Variants in TBC1D7 observed in about 807,000 individuals in gnomAD.
The protein encoded by TBC1D7 is TBC domain family 7.
TBC1D7 carries 33 observed loss-of-function variants against 35.3 expected under a neutral mutation model. The observed-to-expected ratio is 0.93, with a 90% confidence interval of 0.71 to 1.25. The LOEUF (loss-of-function observed/expected upper bound fraction) is 1.25, where lower values mean the gene tolerates loss of function less well. Among genes scored for constraint, TBC1D7 ranks in the 50% most tolerant of loss-of-function variants. The probability of loss-of-function intolerance (pLI) is 0.00; values close to 1 mark genes in which losing one functional copy is unlikely to be tolerated. For synonymous variants in TBC1D7, 135 were observed against 129.5 expected, an observed-to-expected ratio of 1.04 and a Z score of -0.29; for missense variants, 362 against 365.3, an observed-to-expected ratio of 0.99 and a Z score of 0.07.
chr6:13,319,764 A>G (rs915222547), intron 4 of TBC1D7: 1 of 152,282 alleles, frequency 6.6e-6, no homozygotes, highest in East Asian at 1.9e-4. Flanking sequence ...AAGTTAAAAA[A>G]TAAAAATTTT....
At chr6:13,325,851 G>C (rs6916634) in intron 2 of TBC1D7, among the ~76,000 whole-genome samples, 1 of 151,922 alleles carries the variant, frequency 6.6e-6, no homozygotes, top group East Asian at 1.9e-4. Flanking sequence ...TAAATGACTT[G>C]ATCAAACTAA....
chr6:13,314,594 TTATTGAAATC>T (rs1415543328), intron 5 of TBC1D7, among the ~76,000 whole-genome samples: 1 of 152,220 alleles, frequency 6.6e-6, no homozygotes, highest in Non-Finnish European at 1.5e-5. Flanking sequence ...GAAATTATTT[TTATTGAAATC>T]AACAAAGTGG....
intron 5 of TBC1D7, among the ~76,000 whole-genome samples, chr6:13,315,224 CCT>C (rs370626985): frequency 5.5e-4 from 84 of 152,304 alleles, no homozygotes; most frequent in African/African-American, 1.9e-3. Flanking sequence ...TCTGCCAACC[CCT>C]GAGACAGCAA....
intron 4 of TBC1D7, among the ~76,000 whole-genome samples, chr6:13,317,384 T>C (rs1407072691): frequency 6.6e-6 from 1 of 152,198 alleles, no homozygotes; most frequent in East Asian, 1.9e-4. Flanking sequence ...TCAAACACCA[T>C]ATCATATACA....
Position 13,320,984 on chromosome 6 carries a change from G to A in TBC1D7, c.305C>T (p.Thr102Ile). The change falls in exon 4 of 8, where the codon ACA (threonine) becomes ATA (isoleucine). Residue 102 changes from threonine to isoleucine, a missense_variant. Thr to Ile is a moderately conservative substitution (Grantham distance 89). Transcript: ENST00000379300. Reference sequence around the variant, plus strand: ...GCGGAGATAGACTTCAGCCTGAGGTGTGGCATCACTAACAAAGCGAACGAC... The same window carrying A: ...GCGGAGATAGACTTCAGCCTGAGGTATGGCATCACTAACAAAGCGAACGAC... ...LKVVRFVSDATPQAEVYLRMY... is the reference protein window; with the variant it reads ...LKVVRFVSDAIPQAEVYLRMY... 3 of 1,614,230 alleles carry A rather than the reference G, an allele frequency of 1.9e-6. No homozygotes were observed. The highest frequency in any genetic ancestry group is 2.5e-6 in the Non-Finnish European group (3 of 1,180,030).
intron 7 of TBC1D7, 26 bp from the exon 8 acceptor site, chr6:13,305,213 T>C (rs1782728585): frequency 6.2e-7 from 1 of 1,612,098 alleles, no homozygotes; most frequent in South Asian, 1.1e-5. Flanking sequence ...TCAGTCTTTG[T>C]GAAATTTCAG....
rs758864547 is a variant in TBC1D7 at position 13,320,928 on chromosome 6, G to A, written c.361C>T (p.Arg121Ter). 3.1e-6 allele frequency: 5 copies of A among 1,614,000 alleles called. No individual in the cohort carries two copies. The highest frequency in any genetic ancestry group is 1.3e-5 in the African/African-American group (1 of 74,914). ...MYQLESGKLP[R>*]SPSFPLEPDD... ...CTAACCAGTGGAAAAGAGGGACTTC[G>A]AGGTAACTTCCCAGACTCCAGCTGA... Residue 121 changes from arginine to a stop codon, truncating the protein, a stop_gained, in exon 4 of 8, where the codon CGA becomes TGA. Transcript: ENST00000379300. LOFTEE classifies it high-confidence loss of function.
intron 5 of TBC1D7, among the ~76,000 whole-genome samples, chr6:13,314,025 TGGC>T (rs1345656407): frequency 1.3e-5 from 2 of 152,154 alleles, no homozygotes; most frequent in Non-Finnish European, 2.9e-5. Context: ...GAGAGCATCC[TGGC>T]TAACACGGTG....
intron 1 of TBC1D7, 22 bp from the exon 2 acceptor site, chr6:13,326,928 C>T (rs1584580580): frequency 2.9e-6 from 4 of 1,398,422 alleles, no homozygotes; most frequent in East Asian, 4.7e-5. Flanking sequence ...CACAGAAAGA[C>T]AGAAAGGGAG....
intron 7 of TBC1D7, chr6:13,306,192 A>G: frequency 2.6e-6 from 1 of 385,092 alleles, no homozygotes; most frequent in South Asian, 4.2e-5. Context: ...CTTCATTTCT[A>G]GATTCAAAAT....
chr6:13,316,855 C>CAGGGAGGGACT, intron 4 of TBC1D7, 147 bp from the exon 5 acceptor site: 5 of 922,958 alleles, frequency 5.4e-6, no homozygotes, highest in Non-Finnish European at 6.4e-6. Flanking sequence ...AGAGTCCCTC[C>CAGGGAGGGACT]CTGAAGAGGG....
Position 13,307,703 on chromosome 6 carries a change from G to C in TBC1D7, c.562C>G (p.Leu188Val), listed in dbSNP as rs151222271. 4.3e-6 allele frequency: 7 copies of C among 1,614,016 alleles called. No individual in the cohort carries two copies. The African/African-American group carries it at 8.0e-5, about 18-fold the overall frequency. Residue 188 changes from leucine to valine, a missense_variant, in exon 6 of 8, where the codon CTG (leucine) becomes GTG (valine). Transcript: ENST00000379300. Reference protein sequence around the residue: ...EQYLNLEDGRLLTHLRMCSAA... With the variant: ...EQYLNLEDGRVLTHLRMCSAA... ...GAACACATCCTCAGATGAGTCAGCA[G>C]TCTGCCATCTTCCAGATTCAAGTAT... is the stretch of plus-strand genomic sequence containing the variant.
At position 13,318,761 on chromosome 6, in the gene TBC1D7, G is replaced by A. The variant is rs1783817974; in HGVS notation, c.382-2053C>T. On this transcript the variant is annotated intron_variant, in intron 4 of 7. Transcript: ENST00000379300. ...TTAATTTCATACTGATATAAATAAA[G>A]AAGGAGAAGGGAAAACTCTTCCTTA... 2.6e-5 allele frequency: 4 copies of A among 152,128 alleles called. No individual in the cohort carries two copies. The South Asian group carries it at 8.3e-4, about 31-fold the overall frequency. The allele number at this position is 152,128 out of a possible 1,614,324, so 9.4% of individuals were successfully genotyped here.
At chr6:13,312,240 GGA>G (rs1783269653) in intron 5 of TBC1D7, among the ~76,000 whole-genome samples, 1 of 152,150 alleles carries the variant, frequency 6.6e-6, no homozygotes, top group African/African-American at 2.4e-5. Flanking sequence ...AACCAGACGG[GGA>G]GAAGAGGAAC....
At chr6:13,319,434 T>C (rs1200884159) in intron 4 of TBC1D7, 3 of 139,220 alleles carry the variant, frequency 2.2e-5, no homozygotes, top group Non-Finnish European at 3.0e-5. Flanking sequence ...CACTCCAGCC[T>C]GGTCAAAAAG....
chr6:13,311,424 T>C (rs1584535246), intron 5 of TBC1D7, among the ~76,000 whole-genome samples: 1 of 152,222 alleles, frequency 6.6e-6, no homozygotes, highest in East Asian at 1.9e-4. Context: ...GGCATCATTA[T>C]CTTCTTTTGA....
At chr6:13,315,896 A>T (rs896202731) in intron 5 of TBC1D7, among the ~76,000 whole-genome samples, 1 of 152,174 alleles carries the variant, frequency 6.6e-6, no homozygotes, top group Non-Finnish European at 1.5e-5. Flanking sequence ...AACCTACACT[A>T]CTCAAAGGTC....
At chr6:13,308,266 AG>A (rs1217895805) in intron 5 of TBC1D7, among the ~76,000 whole-genome samples, 1 of 152,252 alleles carries the variant, frequency 6.6e-6, no homozygotes, top group Non-Finnish European at 1.5e-5. Flanking sequence ...GGGGCTGACC[AG>A]TCACTGACCA....
intron 5 of TBC1D7, among the ~76,000 whole-genome samples, chr6:13,309,657 A>G (rs569203117): frequency 2.0e-5 from 3 of 152,328 alleles, no homozygotes; most frequent in East Asian, 1.9e-4. Context: ...CACACTCCCA[A>G]TGATAACTAC....
Sources: allele counts gnomAD v4.1 joint callset (sites outside exome capture counted in the v4.1 genomes callset), GRCh38; gene constraint gnomAD v4.1.1; transcripts MANE v1.5; gene names NCBI Gene and HGNC (gene_info 2026-07-23, HGNC 2026-07-21).